Variants in KATNAL1 observed in about 807,000 individuals in gnomAD.
The protein encoded by KATNAL1 is katanin catalytic subunit A1 like 1.
A neutral mutation model predicts 55.2 loss-of-function variants in KATNAL1; 32 were observed. The observed-to-expected ratio is 0.58, with a 90% CI of 0.44 to 0.78. The LOEUF is 0.78. Ranked by LOEUF, KATNAL1 falls within the 30% of genes least tolerant of loss-of-function variation. The pLI, the probability that KATNAL1 is intolerant of heterozygous loss-of-function variation, is 0.00. For synonymous variants in KATNAL1, 193 were observed against 193.6 expected (o/e 1.00, Z 0.02); for missense variants, 466 against 600.9 (o/e 0.78, Z 2.35).
intron 7 of KATNAL1, among the ~76,000 whole-genome samples, chr13:30,230,847 A>C (rs1046959575): frequency 1.3e-5 from 2 of 152,204 alleles, no homozygotes; most frequent in Non-Finnish European, 2.9e-5. Context: ...TTCTACTTTC[A>C]TATCTGGAAA....
intron 1 of KATNAL1, among the ~76,000 whole-genome samples, chr13:30,305,356 C>G (rs1883114241): frequency 6.6e-6 from 1 of 152,234 alleles, no homozygotes; most frequent in African/African-American, 2.4e-5. Context: ...TCCATTTGTC[C>G]TAGAATGACT....
At chr13:30,240,106 CTGTT>C (rs10590938) in intron 6 of KATNAL1, among the ~76,000 whole-genome samples, 6,602 of 152,194 alleles carry the variant, frequency 0.043, 487 homozygotes, top group African/African-American at 0.15. Flanking sequence ...CTTTTGAAAA[CTGTT>C]TGATCACACC....
intron 4 of KATNAL1, among the ~76,000 whole-genome samples, chr13:30,252,548 C>G (rs1344663796): frequency 6.6e-6 from 1 of 152,054 alleles, no homozygotes; most frequent in South Asian, 2.1e-4. Context: ...TGTACATAAA[C>G]ATATGAATAA....
chr13:30,203,766 T>C lies in KATNAL1; in HGVS notation c.*4774A>G, dbSNP rs1423138194. ...AGTTGTCTGGAGCCAAAAAACCTAA[T>C]AAAAATTCAAAGATCTATTTGTTAA... On this transcript the variant is annotated 3_prime_UTR_variant, in exon 11 of 11. Transcript: ENST00000380615. 1 of 152,126 alleles carries C rather than the reference T, an allele frequency of 6.6e-6. No homozygotes were observed. Among genetic ancestry groups the C allele is most frequent in the Non-Finnish European group, 1.5e-5 (1 of 67,994 alleles). The allele number at this position is 152,126 out of a possible 1,614,324, so 9.4% of individuals were successfully genotyped here. A position where few individuals can be genotyped will look rare whatever the true frequency, so the allele number is the denominator to read the frequency against.
intron 8 of KATNAL1, 108 bp from the exon 9 acceptor site, chr13:30,227,654 G>C: frequency 8.4e-7 from 1 of 1,191,232 alleles, no homozygotes; most frequent in Non-Finnish European, 1.2e-6. Context: ...GATAAAGAAA[G>C]TGCAGTCCTG....
rs79902885 is a variant in KATNAL1, at chr13:30,236,986, A to G, written c.726+3474T>C. On this transcript the variant is annotated intron_variant, in intron 6 of 10. Coordinates refer to ENST00000380615, the MANE Select transcript of KATNAL1 (RefSeq NM_032116.5). ...CACCTGCTCTGGGAGGCCATCCCTGATATTATTCTCCACAGCAGACTAAGT... is the reference window on the plus strand; with the variant it reads ...CACCTGCTCTGGGAGGCCATCCCTGGTATTATTCTCCACAGCAGACTAAGT... 2.4e-3 allele frequency among the ~76,000 whole-genome samples: 364 copies of G among 152,256 alleles called. 1 individual carries two copies. Among genetic ancestry groups the G allele is most frequent in the African/African-American group, 8.5e-3 (354 of 41,536 alleles).
chr13:30,274,891 A>ACG (rs138328965), intron 3 of KATNAL1, among the ~76,000 whole-genome samples: 1,846 of 121,998 alleles, frequency 0.015, 23 homozygotes, highest in East Asian at 0.037. Flanking sequence ...GCACACACAT[A>ACG]CGCGCGCGCG....
At chr13:30,274,893 GCGCGCGCGCGCGCGCACACACACA>G (rs1880667921) in intron 3 of KATNAL1, among the ~76,000 whole-genome samples, 20 of 100,904 alleles carry the variant, frequency 2.0e-4, no homozygotes, top group Non-Finnish European at 2.4e-4. Context: ...ACACACATAC[GCGCGCGCGCGCGCGCACACACACA>G]CACACACACA....
intron 3 of KATNAL1, among the ~76,000 whole-genome samples, chr13:30,266,533 A>G (rs556084974): frequency 1.3e-5 from 2 of 152,334 alleles, no homozygotes; most frequent in Middle Eastern, 3.4e-3. Context: ...AGTACTTAAC[A>G]TGCATTTTCA....
intron 3 of KATNAL1, among the ~76,000 whole-genome samples, chr13:30,256,661 T>C (rs558969509): frequency 6.7e-6 from 1 of 150,374 alleles, no homozygotes; most frequent in East Asian, 1.9e-4. Flanking sequence ...TAAAAAGCCA[T>C]GAAGGTTGCA....
At chr13:30,266,270 G>A (rs1879776369) in intron 3 of KATNAL1, among the ~76,000 whole-genome samples, 1 of 152,040 alleles carries the variant, frequency 6.6e-6, no homozygotes, top group South Asian at 2.1e-4. Context: ...CCAAAGTGCT[G>A]GGATTACAGG....
chr13:30,219,302 C>G (rs1394992702), intron 9 of KATNAL1, among the ~76,000 whole-genome samples: 1 of 152,114 alleles, frequency 6.6e-6, no homozygotes, highest in Non-Finnish European at 1.5e-5. Context: ...TCTGGTGGCT[C>G]CAGCCCCAAA....
chr13:30,283,898 C>G (rs1350594464), intron 1 of KATNAL1, 107 bp from the exon 2 acceptor site: 1 of 735,078 alleles, frequency 1.4e-6, no homozygotes, highest in East Asian at 2.8e-5. Flanking sequence ...TTTTTTGAAA[C>G]AGAGACTCAC....
intron 3 of KATNAL1, among the ~76,000 whole-genome samples, chr13:30,270,570 T>C (rs1170283032): frequency 1.3e-5 from 2 of 152,142 alleles, no homozygotes; most frequent in Non-Finnish European, 2.9e-5. Flanking sequence ...CATTTTGCTC[T>C]GTACTAAGAA....
At chr13:30,301,893 G>A (rs544996816) in intron 1 of KATNAL1, among the ~76,000 whole-genome samples, 1 of 152,044 alleles carries the variant, frequency 6.6e-6, no homozygotes, top group Admixed American at 6.5e-5. Flanking sequence ...TATTTTTGAG[G>A]CAAGGTCTCA....
chr13:30,270,793 C>T (rs1248064965), intron 3 of KATNAL1, among the ~76,000 whole-genome samples: 1 of 151,192 alleles, frequency 6.6e-6, no homozygotes, highest in African/African-American at 2.4e-5. Context: ...GCAGGGTCCT[C>T]TGCCTAGGAA....
chr13:30,204,688 C>T lies in KATNAL1; in HGVS notation c.*3852G>A, dbSNP rs899640974. The T allele has an allele frequency of 9.2e-5, 14 of 152,126 alleles. No individual in the cohort carries two copies. The highest frequency in any genetic ancestry group is 2.9e-4 in the African/African-American group (12 of 41,446). The allele number at this position is 152,126 out of a possible 1,614,324, so 9.4% of individuals were successfully genotyped here. On this transcript the variant is annotated 3_prime_UTR_variant, in exon 11 of 11. Coordinates refer to ENST00000380615, the MANE Select transcript of KATNAL1 (RefSeq NM_032116.5). ...CCCCTGATGTATGTGTATGACTGTC[C>T]ATAGATTCACCAGGTATTGGTTTGC... is the stretch of plus-strand genomic sequence containing the variant.
At chr13:30,267,898 G>A (rs1879907252) in intron 3 of KATNAL1, among the ~76,000 whole-genome samples, 1 of 152,150 alleles carries the variant, frequency 6.6e-6, no homozygotes, top group South Asian at 2.1e-4. Flanking sequence ...CAGGGTCGTA[G>A]CCCCACACAA....
rs1872928025 is a variant in KATNAL1, at chr13:30,204,425, CAAGTT to C, written c.*4110_*4114del. The stretch of plus-strand genomic sequence containing the variant: ...ACTTGCCTAGTCCTTCATTTTATCT[CAAGTT>C]AGGGTGGGGGGAAAGTGAATCACAG... On this transcript the variant is annotated 3_prime_UTR_variant, in exon 11 of 11. Coordinates refer to ENST00000380615, the MANE Select transcript of KATNAL1 (RefSeq NM_032116.5). The C allele has an allele frequency of 9.0e-6, 1 of 110,878 alleles. No homozygotes were observed. The highest frequency in any genetic ancestry group is 4.4e-3 in the Middle Eastern group (1 of 228). The allele number at this position is 110,878 out of a possible 1,614,324, so 6.9% of individuals were successfully genotyped here.
Sources: allele counts gnomAD v4.1 joint callset (sites outside exome capture counted in the v4.1 genomes callset), GRCh38; gene constraint gnomAD v4.1.1; transcripts MANE v1.5; gene names NCBI Gene and HGNC (gene_info 2026-07-23, HGNC 2026-07-21).